FRMD4A: variants seen among roughly 807,000 people sequenced by gnomAD.
The protein encoded by FRMD4A is FERM domain-containing protein 4A.
FRMD4A carries 29 observed loss-of-function variants against 129.1 expected under a neutral mutation model. The observed-to-expected ratio is 0.22, with a 90% CI of 0.17 to 0.31. FRMD4A has a LOEUF of 0.31. Ranked by LOEUF, FRMD4A falls within the 10% of genes least tolerant of loss-of-function variation. The probability of loss-of-function intolerance (pLI) is 1.00; values close to 1 mark genes in which losing one functional copy is unlikely to be tolerated. For synonymous variants in FRMD4A, 634 were observed against 571.6 expected, an observed-to-expected ratio of 1.11 and a Z score of -1.56; for missense variants, 1,272 against 1,375.8, an observed-to-expected ratio of 0.92 and a Z score of 1.19.
chr10:14,145,247 C>T (rs1328558222), intron 2 of FRMD4A, among the ~76,000 whole-genome samples: 1 of 152,190 alleles, frequency 6.6e-6, no homozygotes, highest in Non-Finnish European at 1.5e-5. Flanking sequence ...AACTCTGCTG[C>T]TGATTTACTG....
At chr10:14,088,645 G>A (rs2131746863) in intron 2 of FRMD4A, among the ~76,000 whole-genome samples, 1 of 151,920 alleles carries the variant, frequency 6.6e-6, no homozygotes, top group African/African-American at 2.4e-5. Flanking sequence ...GCGCATGCCT[G>A]TGGTCCCAGG....
intron 15 of FRMD4A, chr10:13,684,771 G>A (rs1270549936): frequency 1.0e-6 from 1 of 984,562 alleles, no homozygotes; most frequent in African/African-American, 1.8e-5. Context: ...TCTCTGGAAG[G>A]AGGGGAAACT....
At chr10:14,322,039 C>T (rs1843078410) in intron 2 of FRMD4A, among the ~76,000 whole-genome samples, 1 of 152,204 alleles carries the variant, frequency 6.6e-6, no homozygotes, top group Non-Finnish European at 1.5e-5. Flanking sequence ...CCTGAGGCTT[C>T]TCCAGCCAGG....
chr10:14,122,395 C>T (rs1056913919), intron 2 of FRMD4A, among the ~76,000 whole-genome samples: 1 of 152,004 alleles, frequency 6.6e-6, no homozygotes, highest in Non-Finnish European at 1.5e-5. Flanking sequence ...GTGTATTAGT[C>T]TAGTCTCGCA....
intron 2 of FRMD4A, among the ~76,000 whole-genome samples, chr10:14,279,142 T>G (rs12219057): frequency 6.6e-6 from 1 of 150,890 alleles, no homozygotes; most frequent in Non-Finnish European, 1.5e-5. Context: ...CACCTGAAAC[T>G]TATTATCAAA....
chr10:13,819,242 C>T (rs982735418), intron 3 of FRMD4A, among the ~76,000 whole-genome samples: 9 of 152,172 alleles, frequency 5.9e-5, no homozygotes, highest in Non-Finnish European at 8.8e-5. Context: ...ACCTATCCAA[C>T]CTCACTTTTG....
chr10:14,116,607 C>T (rs1838212407), intron 2 of FRMD4A, among the ~76,000 whole-genome samples: 1 of 152,142 alleles, frequency 6.6e-6, no homozygotes, highest in Non-Finnish European at 1.5e-5. Context: ...AAAGGAGACT[C>T]AGTGGGTTAC....
chr10:14,075,930 T>C (rs1835571234), intron 2 of FRMD4A, among the ~76,000 whole-genome samples: 1 of 152,190 alleles, frequency 6.6e-6, no homozygotes, highest in Non-Finnish European at 1.5e-5. Flanking sequence ...TCCTAATGTC[T>C]GCATGTTGGA....
At chr10:13,960,708 C>T (rs1384447554) in intron 2 of FRMD4A, among the ~76,000 whole-genome samples, 2 of 152,256 alleles carry the variant, frequency 1.3e-5, no homozygotes, top group South Asian at 2.1e-4. Flanking sequence ...GACCGGCAGC[C>T]CACCTACCTG....
rs146354832 is a variant in FRMD4A, at chr10:14,088,411, C to T, written c.46-229499G>A. The stretch of plus-strand genomic sequence containing the variant: ...GCAATGAGCCATGATTGTGCCTCTG[C>T]TCCAGCCTGGGTGACAGAACAAGAC... On this transcript the variant is annotated intron_variant, in intron 2 of 24. Transcript: ENST00000357447. 3.1e-4 allele frequency among the ~76,000 whole-genome samples: 47 copies of T among 151,156 alleles called. 1 individual carries two copies. The East Asian group carries it at 4.3e-3, about 14-fold the overall frequency.
At chr10:13,749,333 G>A (rs1448668034) in intron 8 of FRMD4A, among the ~76,000 whole-genome samples, 7 of 152,132 alleles carry the variant, frequency 4.6e-5, no homozygotes, top group Non-Finnish European at 1.0e-4. Context: ...AAAAAGGAAT[G>A]AAACAGGTAT....
chr10:13,662,842 A>G (rs2082736322), intron 19 of FRMD4A, among the ~76,000 whole-genome samples: 1 of 151,826 alleles, frequency 6.6e-6, no homozygotes, highest in African/African-American at 2.4e-5. Context: ...ATCAATTTCT[A>G]CCCTTTTCTT....
intron 2 of FRMD4A, among the ~76,000 whole-genome samples, chr10:14,171,517 G>A (rs1368271044): frequency 6.6e-6 from 1 of 152,172 alleles, no homozygotes. Context: ...GCCCACCCAG[G>A]AGACAGAGTA....
intron 2 of FRMD4A, among the ~76,000 whole-genome samples, chr10:14,096,244 T>C (rs894697617): frequency 6.6e-6 from 1 of 152,194 alleles, no homozygotes; most frequent in Non-Finnish European, 1.5e-5. Context: ...TGAGGGCACA[T>C]AGAAGGGACA....
intron 2 of FRMD4A, among the ~76,000 whole-genome samples, chr10:14,186,050 C>A (rs1203015831): frequency 6.6e-6 from 1 of 152,010 alleles, no homozygotes; most frequent in Admixed American, 6.6e-5. Flanking sequence ...GGGACCTACC[C>A]CCGTAAAGGA....
chr10:14,057,024 C>T (rs1223540216), intron 2 of FRMD4A, among the ~76,000 whole-genome samples: 1 of 152,126 alleles, frequency 6.6e-6, no homozygotes, highest in East Asian at 1.9e-4. Context: ...GAGTCAGTGG[C>T]AATGTTCTGT....
At chr10:14,286,811 A>G (rs1160639699) in intron 2 of FRMD4A, among the ~76,000 whole-genome samples, 2 of 152,116 alleles carry the variant, frequency 1.3e-5, no homozygotes, top group Non-Finnish European at 2.9e-5. Flanking sequence ...GGCAGGGATG[A>G]CACCAAGGGA....
chr10:13,837,224 A>C (rs1459240229), intron 3 of FRMD4A, among the ~76,000 whole-genome samples: 2 of 152,196 alleles, frequency 1.3e-5, no homozygotes, highest in East Asian at 3.9e-4. Context: ...CTTTGAGACA[A>C]CCACCCAAAA....
chr10:14,318,648 A>G (rs1005869420), intron 2 of FRMD4A, among the ~76,000 whole-genome samples: 1 of 151,904 alleles, frequency 6.6e-6, no homozygotes, highest in Non-Finnish European at 1.5e-5. Flanking sequence ...TCAGATATCA[A>G]CCTATCACTC....
Sources: allele counts gnomAD v4.1 joint callset (sites outside exome capture counted in the v4.1 genomes callset), GRCh38; gene constraint gnomAD v4.1.1; transcripts MANE v1.5; gene names NCBI Gene and HGNC (gene_info 2026-07-23, HGNC 2026-07-21).